The following ADSL variants were observed in gnomAD, a reference collection of about 807,000 sequenced individuals.
ADSL encodes the protein adenylosuccinate lyase.
In ADSL, 44 loss-of-function variants were observed where a neutral mutation model predicts 62.1. The observed-to-expected ratio is 0.71, with a 90% CI of 0.56 to 0.91. The LOEUF is 0.91. Among genes scored for constraint, ADSL ranks in the 40% least tolerant of loss-of-function variants. The pLI is 0.00. For missense variants in ADSL, 531 were observed against 627.4 expected (o/e 0.85, Z 1.64); for synonymous variants, 198 against 220.5 (o/e 0.90, Z 0.90).
intron 2 of ADSL, among the ~76,000 whole-genome samples, chr22:40,387,009 ATTT>A (rs2048574753): frequency 6.6e-6 from 1 of 152,100 alleles, no homozygotes; most frequent in Admixed American, 6.6e-5. Context: ...AAGTCAAGAT[ATTT>A]TGTTCCCGCA....
chr22:40,362,282 C>T (rs1056663175), intron 9 of ADSL, among the ~76,000 whole-genome samples: 1 of 152,166 alleles, frequency 6.6e-6, no homozygotes, highest in African/African-American at 2.4e-5. Context: ...TGAGTGGATA[C>T]GGATGTATAG....
intron 7 of ADSL, 192 bp from the exon 8 acceptor site, chr22:40,361,081 A>T (rs1388801752): frequency 1.4e-6 from 1 of 691,940 alleles, no homozygotes; most frequent in Non-Finnish European, 2.6e-6. Flanking sequence ...TGAATTTGTC[A>T]TCCCAGTCCT....
chr22:40,370,036 T>A (rs1263917852), downstream of ADSL, among the ~76,000 whole-genome samples: 1 of 152,064 alleles, frequency 6.6e-6, no homozygotes, highest in East Asian at 1.9e-4. Flanking sequence ...ACACAGAAGG[T>A]ACTCAGAAAA....
At chr22:40,354,902 C>T (rs1398486893) in intron 4 of ADSL, among the ~76,000 whole-genome samples, 1 of 151,086 alleles carries the variant, frequency 6.6e-6, no homozygotes, top group Non-Finnish European at 1.5e-5. Context: ...TCTAAATGTT[C>T]AATAATAAGA....
chr22:40,383,027 G>A (rs1396724935), intron 2 of ADSL, among the ~76,000 whole-genome samples: 1 of 152,140 alleles, frequency 6.6e-6, no homozygotes, highest in Non-Finnish European at 1.5e-5. Context: ...CATAAAACAG[G>A]TAATTAAATA....
At chr22:40,363,815 C>T (rs971643693) in intron 10 of ADSL, among the ~76,000 whole-genome samples, 17 of 151,682 alleles carry the variant, frequency 1.1e-4, no homozygotes, top group Non-Finnish European at 7.4e-5. Flanking sequence ...AAAAGTCTGA[C>T]AGGGCGCGGT....
At chr22:40,375,041 T>C (rs1186877808) in intron 2 of ADSL, among the ~76,000 whole-genome samples, 1 of 152,232 alleles carries the variant, frequency 6.6e-6, no homozygotes, top group Non-Finnish European at 1.5e-5. Flanking sequence ...GGCTTACTAA[T>C]TTATGCTCAC....
At chr22:40,375,739 G>A (rs146404597) in intron 2 of ADSL, among the ~76,000 whole-genome samples, 1 of 151,224 alleles carries the variant, frequency 6.6e-6, no homozygotes, top group African/African-American at 2.4e-5. Context: ...TAGCCTGCAA[G>A]CTAACACTCT....
intron 2 of ADSL, among the ~76,000 whole-genome samples, chr22:40,378,534 A>G (rs562570521): frequency 6.6e-6 from 1 of 151,924 alleles, no homozygotes; most frequent in East Asian, 1.9e-4. Flanking sequence ...TTCGAGACCA[A>G]CCTGGCCTAC....
intron 2 of ADSL, among the ~76,000 whole-genome samples, chr22:40,352,528 TAAAAAG>T (rs2044388547): frequency 2.0e-5 from 3 of 151,566 alleles, no homozygotes; most frequent in African/African-American, 4.8e-5. Flanking sequence ...ACTCCCATCT[TAAAAAG>T]AAAAAAAAAG....
At chr22:40,374,772 C>T (rs1408766039) in intron 2 of ADSL, among the ~76,000 whole-genome samples, 2 of 152,274 alleles carry the variant, frequency 1.3e-5, no homozygotes, top group East Asian at 1.9e-4. Flanking sequence ...CCCAGCTACT[C>T]GGGAGGCTGA....
intron 2 of ADSL, chr22:40,378,126 A>G (rs1417212261): frequency 6.6e-6 from 1 of 152,144 alleles, no homozygotes; most frequent in Admixed American, 6.6e-5. Context: ...GAGGAGTAAT[A>G]TGGGTTTAGT....
downstream of ADSL, chr22:40,370,626 T>G (rs1321303524): frequency 6.6e-6 from 1 of 152,478 alleles, no homozygotes; most frequent in Non-Finnish European, 1.5e-5. Context: ...GAGCGCTGAC[T>G]GGGTGCGAGT....
At chr22:40,383,164 T>G (rs913978848) in intron 2 of ADSL, among the ~76,000 whole-genome samples, 3 of 151,990 alleles carry the variant, frequency 2.0e-5, no homozygotes, top group Admixed American at 6.6e-5. Flanking sequence ...ACTAGTAAAG[T>G]GAGATAGAAG....
chr22:40,384,568 C>T (rs1160220420), intron 2 of ADSL, among the ~76,000 whole-genome samples: 1 of 152,174 alleles, frequency 6.6e-6, no homozygotes, highest in Non-Finnish European at 1.5e-5. Flanking sequence ...ATCACGAGGT[C>T]AGGAGATCGA....
chr22:40,366,626 T>A lies in ADSL; in HGVS notation c.*104T>A. 1.2e-6 allele frequency: 1 copy of A among 828,962 alleles called. No individual in the cohort carries two copies. Among genetic ancestry groups the A allele is most frequent in the Non-Finnish European group, 2.0e-6 (1 of 491,174 alleles). 51.4% of individuals were successfully genotyped at this position (828,962 alleles called of 1,614,324 possible). On this transcript the variant is annotated 3_prime_UTR_variant, in exon 13 of 13. Transcript: ENST00000623063. ...CTCGAGAATTGTTACCTTAAATTAG[T>A]ACAGCACTTTCTTCTTCCCATGGTG... is the stretch of plus-strand genomic sequence containing the variant.
At chr22:40,364,763 A>G in intron 11 of ADSL, 117 bp from the exon 12 acceptor site, 1 of 1,065,174 alleles carries the variant, frequency 9.4e-7, no homozygotes, top group Non-Finnish European at 1.5e-6. Flanking sequence ...ACCTCAGCCT[A>G]GAGGGGTTTT....
At chr22:40,364,846 G>A (rs1176419812) in intron 11 of ADSL, 34 bp from the exon 12 acceptor site, 10 of 1,610,968 alleles carry the variant, frequency 6.2e-6, no homozygotes, top group Non-Finnish European at 8.5e-6. Context: ...CGCCCTGTTA[G>A]TAGGGAACTG....
chr22:40,372,277 C>T (rs1453663549), downstream of ADSL, among the ~76,000 whole-genome samples: 1 of 152,012 alleles, frequency 6.6e-6, no homozygotes. Flanking sequence ...TAGGTGCCCG[C>T]CACCACACCC....
Sources: gnomAD v4.1 joint callset for allele counts (sites outside exome capture counted in the v4.1 genomes callset) on GRCh38, gnomAD v4.1.1 for gene constraint, MANE v1.5 for transcripts, NCBI Gene and HGNC (gene_info 2026-07-23, HGNC 2026-07-21) for gene names.